Variants in PTPRM observed in about 807,000 individuals in gnomAD.
The protein encoded by PTPRM is receptor-type tyrosine-protein phosphatase mu.
PTPRM carries 47 observed loss-of-function variants against 186.7 expected under a neutral mutation model. The ratio of observed to expected loss-of-function variants is 0.25; its 90% CI spans 0.20 to 0.32. The LOEUF (loss-of-function observed/expected upper bound fraction) is 0.32, where lower values mean the gene tolerates loss of function less well. PTPRM is among the 10% of genes least tolerant of loss of function. The probability of loss-of-function intolerance (pLI) is 1.00; values close to 1 mark genes in which losing one functional copy is unlikely to be tolerated. For synonymous variants in PTPRM, 668 were observed against 674.9 expected, an observed-to-expected ratio of 0.99 and a Z score of 0.16; for missense variants, 1,494 against 1,865.0, an observed-to-expected ratio of 0.80 and a Z score of 3.66.
Position 7,844,959 on chromosome 18 carries a change from T to C in PTPRM, c.197-43147T>C, listed in dbSNP as rs550778975. 2.0e-5 allele frequency among the ~76,000 whole-genome samples: 3 copies of C among 152,248 alleles called. No homozygotes were observed. The East Asian group carries it at 5.8e-4, about 29-fold the overall frequency. ...CAATCTCTTTGATGAATGAGATTCTTTGATGAATGAGAATCCCTTGAGATT... is the reference window on the plus strand; with the variant it reads ...CAATCTCTTTGATGAATGAGATTCTCTGATGAATGAGAATCCCTTGAGATT... On this transcript the variant is annotated intron_variant, in intron 2 of 32. Transcript: ENST00000580170.
intron 2 of PTPRM, among the ~76,000 whole-genome samples, chr18:7,884,031 C>T (rs904079858): frequency 3.9e-5 from 6 of 152,048 alleles, no homozygotes; most frequent in African/African-American, 1.4e-4. Context: ...CCTATGATCC[C>T]AGCTACTCGG....
intron 7 of PTPRM, among the ~76,000 whole-genome samples, chr18:7,973,863 C>T (rs1181186878): frequency 6.6e-6 from 1 of 151,634 alleles, no homozygotes; most frequent in African/African-American, 2.4e-5. Flanking sequence ...CTAATGGCTT[C>T]TTACTTTCTA....
At chr18:7,854,106 G>T (rs1209696219) in intron 2 of PTPRM, among the ~76,000 whole-genome samples, 2 of 152,126 alleles carry the variant, frequency 1.3e-5, no homozygotes, top group Non-Finnish European at 2.9e-5. Context: ...TAGTTTTTAT[G>T]TACCATAAGA....
chr18:8,157,304 A>G (rs1269711643), intron 14 of PTPRM, among the ~76,000 whole-genome samples: 2 of 152,220 alleles, frequency 1.3e-5, no homozygotes, highest in African/African-American at 4.8e-5. Context: ...AATATGCATT[A>G]TACACCAGTA....
At position 8,045,085 on chromosome 18, in the gene PTPRM, G is replaced by A. The variant is rs368215390; in HGVS notation, c.1133-24601G>A. Among the ~76,000 whole-genome samples, 5 of 152,244 alleles carry A rather than the reference G, an allele frequency of 3.3e-5. No homozygotes were observed. The East Asian group carries it at 5.8e-4, about 18-fold the overall frequency. ...ATGTAAGCAGGGCATGGTGGCTCACGCCTGTCATACCAACACTTTGGGAGG... is the reference window on the plus strand; with the variant it reads ...ATGTAAGCAGGGCATGGTGGCTCACACCTGTCATACCAACACTTTGGGAGG... On this transcript the variant is annotated intron_variant, in intron 7 of 32. Coordinates refer to ENST00000580170, the MANE Select transcript of PTPRM (RefSeq NM_001105244.2).
intron 9 of PTPRM, among the ~76,000 whole-genome samples, chr18:8,077,054 A>G (rs12326506): frequency 0.022 from 3,396 of 152,218 alleles, 53 homozygotes; most frequent in African/African-American, 0.047. Flanking sequence ...TCTGTGACAT[A>G]GTTTTGTCTA....
chr18:7,894,251 C>T (rs1466122402), intron 3 of PTPRM, among the ~76,000 whole-genome samples: 1 of 152,106 alleles, frequency 6.6e-6, no homozygotes, highest in East Asian at 1.9e-4. Context: ...AAATGTGACT[C>T]TGGTTTTTGA....
intron 11 of PTPRM, among the ~76,000 whole-genome samples, chr18:8,096,714 T>C (rs1036754267): frequency 6.6e-6 from 1 of 152,214 alleles, no homozygotes; most frequent in African/African-American, 2.4e-5. Context: ...ATCACAGTTA[T>C]TGATTTAGGG....
chr18:7,738,163 C>G (rs1406992096), intron 1 of PTPRM, among the ~76,000 whole-genome samples: 2 of 152,142 alleles, frequency 1.3e-5, no homozygotes, highest in African/African-American at 4.8e-5. Flanking sequence ...ATCATTATAA[C>G]TAGGCTCAAA....
chr18:7,863,252 T>G (rs1053964014), intron 2 of PTPRM, among the ~76,000 whole-genome samples: 1 of 152,198 alleles, frequency 6.6e-6, no homozygotes, highest in Non-Finnish European at 1.5e-5. Flanking sequence ...GTGCAGAATA[T>G]GCAGGTTTGT....
chr18:7,875,616 G>T (rs1000729740), intron 2 of PTPRM, among the ~76,000 whole-genome samples: 1 of 152,076 alleles, frequency 6.6e-6, no homozygotes, highest in Admixed American at 6.5e-5. Flanking sequence ...GAGCCTCTGT[G>T]CCCGGCCAAC....
At chr18:8,207,389 G>A (rs924044230) in intron 14 of PTPRM, among the ~76,000 whole-genome samples, 1 of 152,162 alleles carries the variant, frequency 6.6e-6, no homozygotes, top group Non-Finnish European at 1.5e-5. Context: ...GTGATTTATA[G>A]ATAGGATTGA....
Position 8,253,214 on chromosome 18 carries a change from C to A in PTPRM, c.2567-13C>A. On this transcript the variant is annotated splice_polypyrimidine_tract_variant and intron_variant, in intron 18 of 32. Coordinates refer to ENST00000580170, the MANE Select transcript of PTPRM (RefSeq NM_001105244.2). ...GGCTCTCCCTCATTTTCTCCCTGGCCTTCTTTTCCTAGATGAAACCCACAC... is the reference window on the plus strand; with the variant it reads ...GGCTCTCCCTCATTTTCTCCCTGGCATTCTTTTCCTAGATGAAACCCACAC... The A allele has an allele frequency of 7.1e-7, 1 of 1,409,768 alleles. No individual in the cohort carries two copies. Among genetic ancestry groups the A allele is most frequent in the East Asian group, 2.8e-5 (1 of 35,522 alleles). The allele number at this position is 1,409,768 out of a possible 1,614,324, so 87.3% of individuals were successfully genotyped here.
intron 7 of PTPRM, among the ~76,000 whole-genome samples, chr18:8,047,554 A>G (rs2087150829): frequency 6.6e-6 from 1 of 152,166 alleles, no homozygotes; most frequent in African/African-American, 2.4e-5. Flanking sequence ...TTAAATTAGT[A>G]ATACAGTATA....
At chr18:7,993,148 A>G (rs989615969) in intron 7 of PTPRM, among the ~76,000 whole-genome samples, 2 of 151,974 alleles carry the variant, frequency 1.3e-5, no homozygotes, top group African/African-American at 4.8e-5. Context: ...CTAAAGTTAA[A>G]GATAGGTCTT....
At chr18:7,824,523 T>C (rs2045381365) in intron 2 of PTPRM, among the ~76,000 whole-genome samples, 1 of 152,190 alleles carries the variant, frequency 6.6e-6, no homozygotes, top group Non-Finnish European at 1.5e-5. Flanking sequence ...TATTGCTCGT[T>C]TTTTCCCCTT....
intron 1 of PTPRM, among the ~76,000 whole-genome samples, chr18:7,756,159 C>A (rs1392464533): frequency 6.6e-6 from 1 of 152,138 alleles, no homozygotes; most frequent in Non-Finnish European, 1.5e-5. Context: ...GATCTCTGAG[C>A]ACCCTTGCCT....
At chr18:8,018,397 A>G (rs147097550) in intron 7 of PTPRM, among the ~76,000 whole-genome samples, 160 of 152,338 alleles carry the variant, frequency 1.1e-3, no homozygotes, top group African/African-American at 3.6e-3. Flanking sequence ...ACCCAGTTTG[A>G]GCAGAGCTGC....
At chr18:7,586,754 G>A (rs376187611) in intron 1 of PTPRM, among the ~76,000 whole-genome samples, 1 of 152,274 alleles carries the variant, frequency 6.6e-6, no homozygotes, top group African/African-American at 2.4e-5. Context: ...AAATTTGCAT[G>A]ACATAAACAT....
Sources: gnomAD v4.1 joint callset for allele counts (sites outside exome capture counted in the v4.1 genomes callset) on GRCh38, gnomAD v4.1.1 for gene constraint, MANE v1.5 for transcripts, NCBI Gene and HGNC (gene_info 2026-07-23, HGNC 2026-07-21) for gene names.